UGGT2: variants seen among roughly 807,000 people sequenced by gnomAD.
UGGT2 encodes the protein UDP-glucose glycoprotein glucosyltransferase 2.
A neutral mutation model predicts 192.1 loss-of-function variants in UGGT2; 180 were observed. That is an observed-to-expected ratio of 0.94 (90% CI 0.83 to 1.06). The LOEUF is 1.06. Among genes scored for constraint, UGGT2 ranks in the 50% least tolerant of loss-of-function variants. The probability of loss-of-function intolerance (pLI) is 0.00; values close to 1 mark genes in which losing one functional copy is unlikely to be tolerated. For synonymous variants in UGGT2, 580 were observed against 591.0 expected (o/e 0.98, Z 0.27); for missense variants, 1,849 against 1,795.7 (o/e 1.03, Z -0.54).
intron 15 of UGGT2, among the ~76,000 whole-genome samples, chr13:95,942,705 T>C (rs894273140): frequency 1.3e-5 from 2 of 152,166 alleles, no homozygotes; most frequent in Non-Finnish European, 2.9e-5. Flanking sequence ...AAATATTTTA[T>C]TGGCCATATG....
intron 20 of UGGT2, among the ~76,000 whole-genome samples, chr13:95,917,362 T>C (rs1274944817): frequency 6.6e-6 from 1 of 152,136 alleles, no homozygotes; most frequent in African/African-American, 2.4e-5. Flanking sequence ...AAACAAATGC[T>C]GAGGGAATTC....
intron 24 of UGGT2, among the ~76,000 whole-genome samples, chr13:95,893,584 G>A (rs1396355227): frequency 6.6e-6 from 1 of 152,002 alleles, no homozygotes; most frequent in African/African-American, 2.4e-5. Flanking sequence ...CAATAACAGA[G>A]TGTGACTTTA....
rs1421108204 is a variant in UGGT2 at position 95,925,724 on chromosome 13, T to C, written c.2251A>G (p.Lys751Glu). The change falls in exon 20 of 39, where the codon AAG becomes GAG. Residue 751 changes from lysine to glutamate, a missense_variant. Lys to Glu is a moderately conservative substitution (Grantham distance 56). Coordinates refer to ENST00000376747, the MANE Select transcript of UGGT2 (RefSeq NM_020121.4). ...AAAAGAAGTTTTCTCCCAGAAGGCT[T>C]ATCAAAATCTGCAATAATCCAGAGA... The part of the protein sequence containing the change: ...VTLWIIADFD[K>E]PSGRKLLFNA... 3 of 1,581,532 alleles carry C rather than the reference T, an allele frequency of 1.9e-6. No individual in the cohort carries two copies. The highest frequency in any genetic ancestry group is 2.6e-6 in the Non-Finnish European group (3 of 1,160,628).
chr13:96,025,768 G>A (rs1263973382), intron 2 of UGGT2, among the ~76,000 whole-genome samples: 2 of 152,078 alleles, frequency 1.3e-5, no homozygotes, highest in East Asian at 1.9e-4. Flanking sequence ...CAAAAAAAGA[G>A]GGAGATATGA....
At chr13:96,042,132 C>T (rs1452198720) in intron 1 of UGGT2, among the ~76,000 whole-genome samples, 2 of 152,156 alleles carry the variant, frequency 1.3e-5, no homozygotes, top group African/African-American at 4.8e-5. Context: ...CACCCCCCTG[C>T]CACCTCCAGC....
Position 95,970,104 on chromosome 13 carries a change from G to C in UGGT2, c.1335+8C>G, listed in dbSNP as rs1395228557. 2 of 1,599,232 alleles carry C rather than the reference G, an allele frequency of 1.3e-6. No individual in the cohort carries two copies. Among genetic ancestry groups the C allele is most frequent in the African/African-American group, 2.7e-5 (2 of 74,488 alleles). ...GGTTTTAGAACAAGGAATAGCATAA[G>C]CACTTACCATTATAGAAGAATGTCG... On this transcript the variant is annotated splice_region_variant and intron_variant, in intron 12 of 38. Transcript: ENST00000376747.
intron 38 of UGGT2, among the ~76,000 whole-genome samples, chr13:95,821,149 TTTAA>T (rs1885470788): frequency 6.6e-6 from 1 of 152,152 alleles, no homozygotes; most frequent in Admixed American, 6.6e-5. Context: ...CTTTTAGTTC[TTTAA>T]AGAGTCTCCA....
chr13:95,874,741 G>T, intron 29 of UGGT2, among the ~76,000 whole-genome samples: 1 of 151,790 alleles, frequency 6.6e-6, no homozygotes, highest in African/African-American at 2.4e-5. Context: ...GCCCAGCCTG[G>T]AGTGCAGTGG....
At chr13:96,016,716 A>T (rs2139088194) in intron 4 of UGGT2, among the ~76,000 whole-genome samples, 1 of 152,338 alleles carries the variant, frequency 6.6e-6, no homozygotes, top group African/African-American at 2.4e-5. Flanking sequence ...CAGTGCATAG[A>T]GGAAATGTGG....
In UGGT2 at chr13:95,927,127, C is replaced by T; in HGVS notation, c.2102-1G>A. On this transcript the variant is annotated splice_acceptor_variant, in intron 18 of 38. Transcript: ENST00000376747. LOFTEE classifies it high-confidence loss of function. ...GAGAAATCTTCAACATCAGCAGTTA[C>T]TGAAAAATTTCAAATTAAACGTTAA... 1 of 1,606,868 alleles carries T rather than the reference C, an allele frequency of 6.2e-7. No individual in the cohort carries two copies. Among genetic ancestry groups the T allele is most frequent in the Non-Finnish European group, 8.5e-7 (1 of 1,178,196 alleles).
intron 29 of UGGT2, among the ~76,000 whole-genome samples, chr13:95,874,489 A>AT (rs1566620853): frequency 6.6e-6 from 1 of 152,112 alleles, no homozygotes; most frequent in African/African-American, 2.4e-5. Context: ...CAAAGGAATG[A>AT]TTTTCCAGGT....
intron 7 of UGGT2, 63 bp from the exon 8 acceptor site, chr13:95,990,136 CA>C: frequency 9.7e-7 from 1 of 1,025,896 alleles, no homozygotes; most frequent in African/African-American, 1.6e-5. Flanking sequence ...ATACAAACAG[CA>C]TATTTTTGAA....
intron 21 of UGGT2, among the ~76,000 whole-genome samples, chr13:95,901,360 A>G (rs1277850784): frequency 6.6e-6 from 1 of 152,162 alleles, no homozygotes; most frequent in Non-Finnish European, 1.5e-5. Flanking sequence ...ATCCCAGAAG[A>G]CCAGTTTAGT....
intron 21 of UGGT2, among the ~76,000 whole-genome samples, chr13:95,902,218 ATTTAT>A (rs2048123207): frequency 6.6e-6 from 1 of 152,124 alleles, no homozygotes; most frequent in Non-Finnish European, 1.5e-5. Flanking sequence ...AATGTATTTA[ATTTAT>A]TTTCTCACTC....
At chr13:96,030,537 A>G (rs2052802262) in intron 2 of UGGT2, among the ~76,000 whole-genome samples, 1 of 152,274 alleles carries the variant, frequency 6.6e-6, no homozygotes. Flanking sequence ...ACTTTGTGAA[A>G]TCACAAAATC....
intron 1 of UGGT2, among the ~76,000 whole-genome samples, chr13:96,049,233 CAT>C (rs1254803740): frequency 6.6e-6 from 1 of 152,184 alleles, no homozygotes. Context: ...ACAAAAACCA[CAT>C]GATTATCTTA....
rs997173438 is a variant in UGGT2 at position 96,015,474 on chromosome 13, T to C, written c.486-1993A>G. On this transcript the variant is annotated intron_variant, in intron 4 of 38. Transcript: ENST00000376747. ...TCCTGTACCTATAGACACATAACTT[T>C]CAAAATTTGCTTTTATGATTATTTC... Among the ~76,000 whole-genome samples, 4 of 152,130 alleles carry C rather than the reference T, an allele frequency of 2.6e-5. No individual in the cohort carries two copies. The East Asian group carries it at 7.7e-4, about 29-fold the overall frequency.
At position 95,907,865 on chromosome 13, in the gene UGGT2, C is replaced by A. The variant is rs201430588; in HGVS notation, c.2296-4805G>T. On this transcript the variant is annotated intron_variant, in intron 20 of 38. Transcript: ENST00000376747. ...CCTCCAAAGGATCGCAGCTCCTCGCCAGCAACAGAACAAAGCTGGACAGAG... is the reference window on the plus strand; with the variant it reads ...CCTCCAAAGGATCGCAGCTCCTCGCAAGCAACAGAACAAAGCTGGACAGAG... 5.3e-5 allele frequency among the ~76,000 whole-genome samples: 8 copies of A among 152,322 alleles called. No individual in the cohort carries two copies. The East Asian group carries it at 1.5e-3, about 29-fold the overall frequency.
intron 5 of UGGT2, among the ~76,000 whole-genome samples, chr13:96,005,206 A>G (rs2051934985): frequency 1.3e-5 from 2 of 152,222 alleles, no homozygotes; most frequent in South Asian, 4.1e-4. Flanking sequence ...AACGAGAATG[A>G]TAACAGAAGA....
Sources: gnomAD v4.1 joint callset for allele counts (sites outside exome capture counted in the v4.1 genomes callset) on GRCh38, gnomAD v4.1.1 for gene constraint, MANE v1.5 for transcripts, NCBI Gene and HGNC (gene_info 2026-07-23, HGNC 2026-07-21) for gene names.